IMPG2: variants seen among roughly 807,000 people sequenced by gnomAD.
The protein encoded by IMPG2 is interphotoreceptor matrix proteoglycan 2.
IMPG2 carries 91 observed loss-of-function variants against 129.2 expected under a neutral mutation model. The observed-to-expected ratio is 0.70, with a 90% CI of 0.59 to 0.84. The LOEUF (loss-of-function observed/expected upper bound fraction) is 0.84. IMPG2 is among the 40% of genes least tolerant of loss of function. IMPG2 has a pLI of 0.00. For synonymous variants in IMPG2, 510 were observed against 517.7 expected, an observed-to-expected ratio of 0.99 and a Z score of 0.20; for missense variants, 1,430 against 1,461.7, an observed-to-expected ratio of 0.98 and a Z score of 0.35.
intron 2 of IMPG2, among the ~76,000 whole-genome samples, chr3:101,305,038 C>G: frequency 6.6e-6 from 1 of 152,024 alleles, no homozygotes; most frequent in East Asian, 1.9e-4. Flanking sequence ...ACACAAAAAC[C>G]TGCATACGGG....
intron 4 of IMPG2, 121 bp downstream of exon 4, chr3:101,291,358 C>G (rs1279373807): frequency 3.6e-6 from 3 of 839,382 alleles, no homozygotes; most frequent in Non-Finnish European, 6.2e-6. Flanking sequence ...TATCCACAGG[C>G]CTGGTCATTG....
intron 4 of IMPG2, among the ~76,000 whole-genome samples, chr3:101,284,389 C>G (rs968492171): frequency 6.6e-6 from 1 of 152,154 alleles, no homozygotes; most frequent in East Asian, 1.9e-4. Flanking sequence ...AAGAAAAAGT[C>G]TCTTGATGCC....
At chr3:101,241,267 T>C (rs1040991367) in intron 14 of IMPG2, among the ~76,000 whole-genome samples, 2 of 152,222 alleles carry the variant, frequency 1.3e-5, no homozygotes, top group East Asian at 3.8e-4. Context: ...CAGTCTAGAC[T>C]ACAGGTGAGT....
intron 14 of IMPG2, among the ~76,000 whole-genome samples, chr3:101,234,793 T>C (rs1332175678): frequency 6.6e-6 from 1 of 152,220 alleles, no homozygotes; most frequent in African/African-American, 2.4e-5. Context: ...AGACACTGCA[T>C]GTTAAAGTAA....
chr3:101,281,124 T>C (rs1014427244), intron 4 of IMPG2, among the ~76,000 whole-genome samples: 5 of 152,150 alleles, frequency 3.3e-5, no homozygotes, highest in African/African-American at 9.7e-5. Flanking sequence ...AGAAATTCTG[T>C]TATTAATTTA....
chr3:101,288,251 G>A (rs906157095), intron 4 of IMPG2, among the ~76,000 whole-genome samples: 2 of 152,140 alleles, frequency 1.3e-5, no homozygotes, highest in South Asian at 4.1e-4. Flanking sequence ...TGAGGTTGCA[G>A]AGAAAAAGAA....
In IMPG2 at chr3:101,259,522, G is replaced by T. The variant is rs1274052045; in HGVS notation, c.909-1749C>A. ...GTCTCTCCTTGAGTTTCTATCCCCAGTGCTCAGCTTGGTACCTAGCACAGA... is the reference window on the plus strand; with the variant it reads ...GTCTCTCCTTGAGTTTCTATCCCCATTGCTCAGCTTGGTACCTAGCACAGA... On this transcript the variant is annotated intron_variant, in intron 9 of 18. Coordinates refer to ENST00000193391, the MANE Select transcript of IMPG2 (RefSeq NM_016247.4). Among the ~76,000 whole-genome samples the T allele has an allele frequency of 8.0e-5, 12 of 150,826 alleles. No individual in the cohort carries two copies. In the East Asian group the frequency reaches 2.3e-3, roughly 29 times the overall value.
intron 4 of IMPG2, among the ~76,000 whole-genome samples, chr3:101,289,490 A>G (rs1706981455): frequency 6.6e-6 from 1 of 152,182 alleles, no homozygotes; most frequent in South Asian, 2.1e-4. Flanking sequence ...CAATCAATAA[A>G]TGTTAAAATG....
At chr3:101,294,446 T>G (rs886317825) in intron 3 of IMPG2, among the ~76,000 whole-genome samples, 2 of 152,218 alleles carry the variant, frequency 1.3e-5, no homozygotes, top group Admixed American at 1.3e-4. Flanking sequence ...GGCTGCATAG[T>G]ATTCCATGGT....
chr3:101,305,392 T>C (rs538247443), intron 2 of IMPG2, among the ~76,000 whole-genome samples: 23 of 152,196 alleles, frequency 1.5e-4, no homozygotes, highest in African/African-American at 5.5e-4. Context: ...CTCCATATGA[T>C]ACTATAATGG....
chr3:101,283,732 A>G (rs1455191382), intron 4 of IMPG2, among the ~76,000 whole-genome samples: 3 of 152,178 alleles, frequency 2.0e-5, no homozygotes, highest in African/African-American at 7.2e-5. Context: ...GTCTTAAGAA[A>G]AGGAAGTTTG....
chr3:101,284,149 GAC>G (rs953104003), intron 4 of IMPG2, among the ~76,000 whole-genome samples: 8 of 152,198 alleles, frequency 5.3e-5, no homozygotes, highest in Non-Finnish European at 8.8e-5. Context: ...CTGCATGACA[GAC>G]ACAATAAAGT....
At chr3:101,320,232 G>T in intron 1 of IMPG2, 56 bp downstream of exon 1, 2 of 1,009,906 alleles carry the variant, frequency 2.0e-6, no homozygotes, top group Admixed American at 1.8e-5. Context: ...TCCTATTTTT[G>T]AAGAACATAT....
intron 11 of IMPG2, among the ~76,000 whole-genome samples, chr3:101,247,759 T>C (rs1453293967): frequency 6.6e-6 from 1 of 152,190 alleles, no homozygotes; most frequent in Admixed American, 6.5e-5. Context: ...GGTTGGATCA[T>C]GTTCTGGGCA....
intron 3 of IMPG2, among the ~76,000 whole-genome samples, chr3:101,302,934 T>G (rs1707153519): frequency 6.6e-6 from 1 of 152,166 alleles, no homozygotes; most frequent in Non-Finnish European, 1.5e-5. Flanking sequence ...ACGTCCCCCA[T>G]TTAATAAGAT....
Position 101,256,145 on chromosome 3 carries a change from AAAAGAAAGAAAGAAAGAAAGAAAGAAAG to A in IMPG2, c.1153+1356_1153+1383del, listed in dbSNP as rs57933330. 4.0e-4 allele frequency among the ~76,000 whole-genome samples: 31 copies of A among 77,572 alleles called. No homozygotes were observed. In the South Asian group the frequency reaches 7.8e-3, roughly 20 times the overall value. 50.9% of individuals were successfully genotyped at this position (77,572 alleles called of 152,430 possible). The stretch of plus-strand genomic sequence containing the variant: ...GAAAGAGAGAAAGAAAGAAAGAAAG[AAAAGAAAGAAAGAAAGAAAGAAAGAAAG>A]AAAGAAAGAAAGAAAGAAAGAAAGA... On this transcript the variant is annotated intron_variant, in intron 10 of 18. Transcript: ENST00000193391.
chr3:101,232,686 C>T, intron 15 of IMPG2, 95 bp downstream of exon 15: 1 of 1,022,066 alleles, frequency 9.8e-7, no homozygotes, highest in Non-Finnish European at 1.5e-6. Flanking sequence ...ATAATGCATA[C>T]TATAATAAGT....
At chr3:101,256,197 GAAAGAAA>G in intron 10 of IMPG2, among the ~76,000 whole-genome samples, 1 of 148,614 alleles carries the variant, frequency 6.7e-6, no homozygotes. Context: ...AAGAAAGAAA[GAAAGAAA>G]GAAAGAAAGA....
rs762262011 is a variant in IMPG2 at position 101,243,546 on chromosome 3, G to T, written c.2785C>A (p.Gln929Lys). ...ATGCTTACCAATTCTAAGAATCTTT[G>T]CTCCAGGGCTTTATACTCCAAGGAG... ...KNSLEYKALE[Q>K]RFLELLVPYL... is the part of the protein sequence containing the mutation. The change falls in exon 13 of 19, where the codon CAA becomes AAA. Residue 929 changes from glutamine to lysine, a missense_variant. Coordinates refer to ENST00000193391, the MANE Select transcript of IMPG2 (RefSeq NM_016247.4). 1 of 1,613,650 alleles carries T rather than the reference G, an allele frequency of 6.2e-7. No homozygotes were observed. Among genetic ancestry groups the T allele is most frequent in the South Asian group, 1.1e-5 (1 of 91,036 alleles).
Sources: gnomAD v4.1 joint callset for allele counts (sites outside exome capture counted in the v4.1 genomes callset) on GRCh38, gnomAD v4.1.1 for gene constraint, MANE v1.5 for transcripts, NCBI Gene and HGNC (gene_info 2026-07-23, HGNC 2026-07-21) for gene names.